The following ZFP62 variants were observed in gnomAD, a reference collection of about 807,000 sequenced individuals.
The protein encoded by ZFP62 is zinc finger protein 62 homolog.
A neutral mutation model predicts 56.4 loss-of-function variants in ZFP62; 44 were observed. The observed-to-expected ratio is 0.78, with a 90% CI of 0.61 to 1.00. ZFP62 has a LOEUF of 1.00. Among genes scored for constraint, ZFP62 ranks in the 50% least tolerant of loss-of-function variants. The pLI is 0.00. For synonymous variants in ZFP62, 421 were observed against 388.9 expected, an observed-to-expected ratio of 1.08 and a Z score of -0.97; for missense variants, 1,030 against 1,085.7, an observed-to-expected ratio of 0.95 and a Z score of 0.72.
In ZFP62 at chr5:180,858,874, A is replaced by T. The variant is rs186369284; in HGVS notation, c.1+2345T>A. 7.2e-5 allele frequency among the ~76,000 whole-genome samples: 11 copies of T among 152,356 alleles called. No homozygotes were observed. The East Asian group carries it at 2.1e-3, about 29-fold the overall frequency. ...TTCTAACCAGTTTTCAACACGCAGC[A>T]TGAGTCTAATAGCCTGGTTACATCA... On this transcript the variant is annotated intron_variant, in intron 1 of 1. Coordinates refer to ENST00000502412, the MANE Select transcript of ZFP62 (RefSeq NM_001172638.2).
At chr5:180,827,792 T>A in the ZFP62 span, among the ~76,000 whole-genome samples, 2 of 152,210 alleles carry the variant, frequency 1.3e-5, no homozygotes, top group Non-Finnish European at 2.9e-5. Context: ...ATGGAATGTC[T>A]CGGTATAAAA....
the ZFP62 span, among the ~76,000 whole-genome samples, chr5:180,840,715 C>T: frequency 2.0e-5 from 3 of 151,836 alleles, no homozygotes; most frequent in Non-Finnish European, 2.9e-5. Flanking sequence ...AAGATCCCGC[C>T]ACTGCACTCT....
the ZFP62 span, among the ~76,000 whole-genome samples, chr5:180,829,070 C>A: frequency 6.6e-6 from 1 of 152,010 alleles, no homozygotes. Flanking sequence ...TGCTCTTAGA[C>A]CCTGTTTTCT....
chr5:180,850,190 T>C lies in ZFP62; in HGVS notation c.1305A>G (p.Leu435=). ...TATGAATAGTTCTGTGTTGAAGAAG[T>C]AGTGAGTTATAACTAAAGGATTTCC... is the stretch of plus-strand genomic sequence containing the variant. ...ECGKSFSYNS[L]LLQHRTIHTG... is the part of the protein sequence containing the mutation. Residue 435 remains leucine (L), a synonymous_variant, in exon 2 of 2, where the codon CTA becomes CTG. Coordinates refer to ENST00000502412, the MANE Select transcript of ZFP62 (RefSeq NM_001172638.2). The C allele has an allele frequency of 1.3e-6, 2 of 1,551,976 alleles. No homozygotes were observed. The highest frequency in any genetic ancestry group is 1.4e-5 in the African/African-American group (1 of 73,190).
chr5:180,849,084 T>G lies in ZFP62; in HGVS notation c.2411A>C (p.Lys804Thr). The G allele has an allele frequency of 6.4e-7, 1 of 1,552,926 alleles. No homozygotes were observed. The highest frequency in any genetic ancestry group is 8.7e-7 in the Non-Finnish European group (1 of 1,147,608). ...YISHSSLINH[K>T]SVHQGKQPYN... ...GGGCTGCTTCCCCTGGTGGACACTT[T>G]TATGATTGATAAGACTTGAGTGTGA... Residue 804 changes from lysine to threonine, a missense_variant, in exon 2 of 2, where the codon AAA (lysine) becomes ACA (threonine). Transcript: ENST00000502412.
chr5:180,846,307 CCAT>C (rs1191288008), downstream of ZFP62, among the ~76,000 whole-genome samples: 1 of 152,190 alleles, frequency 6.6e-6, no homozygotes, highest in Non-Finnish European at 1.5e-5. Context: ...TGAGCTGTGG[CCAT>C]CCTCTCCTTT....
At position 180,849,103 on chromosome 5, in the gene ZFP62, A is replaced by G; in HGVS notation, c.2392T>C (p.Ser798Pro). Residue 798 changes from serine (S) to proline (P), a missense_variant, in exon 2 of 2, where the codon TCA (serine) becomes CCA (proline). Ser to Pro is a moderately conservative substitution (Grantham distance 74, BLOSUM62 -1). Transcript: ENST00000502412. ...ACACTTTTATGATTGATAAGACTTGAGTGTGAGATGTATGCCTTCCCACAC... is the reference window on the plus strand; with the variant it reads ...ACACTTTTATGATTGATAAGACTTGGGTGTGAGATGTATGCCTTCCCACAC... ...DECGKAYISHSSLINHKSVHQ... is the reference protein window; with the variant it reads ...DECGKAYISHPSLINHKSVHQ... The G allele has an allele frequency of 6.4e-7, 1 of 1,555,028 alleles. No individual in the cohort carries two copies. The highest frequency in any genetic ancestry group is 1.4e-5 in the African/African-American group (1 of 73,170).
chr5:180,826,900 A>G, the ZFP62 span, among the ~76,000 whole-genome samples: 120 of 152,326 alleles, frequency 7.9e-4, 3 homozygotes, highest in East Asian at 0.019. Context: ...CTTTATTGAG[A>G]TGGAGTTGAG....
chr5:180,857,287 T>C (rs563891993), intron 1 of ZFP62, among the ~76,000 whole-genome samples: 3 of 152,058 alleles, frequency 2.0e-5, no homozygotes, highest in African/African-American at 7.2e-5. Flanking sequence ...GTAGCATATA[T>C]TTTAGGCTTT....
chr5:180,847,730 A>G lies in ZFP62; in HGVS notation c.*1062T>C. On this transcript the variant is annotated 3_prime_UTR_variant, in exon 2 of 2. Transcript: ENST00000502412. ...TATTCGTTAACATTTTACAACAGAC[A>G]ACATATACATGTCCTGCATGACATC... The G allele has an allele frequency of 8.1e-6, 8 of 985,456 alleles. No homozygotes were observed. The highest frequency in any genetic ancestry group is 9.6e-6 in the Non-Finnish European group (8 of 829,930). The allele number at this position is 985,456 out of a possible 1,614,324, so 61.0% of individuals were successfully genotyped here.
At chr5:180,827,520 C>A in the ZFP62 span, among the ~76,000 whole-genome samples, 1 of 151,968 alleles carries the variant, frequency 6.6e-6, no homozygotes, top group Non-Finnish European at 1.5e-5. Flanking sequence ...AGAGTCATCA[C>A]CACTCCCTAA....
chr5:180,849,891 C>A lies in ZFP62; in HGVS notation c.1604G>T (p.Cys535Phe). ...RIHTREKPFG[C>F]DECGKAFRNN... ...TCTGAAAGCTTTACCACACTCATCA[C>A]ACCCAAAGGGTTTTTCCCTGGTATG... is the stretch of plus-strand genomic sequence containing the variant. Residue 535 changes from cysteine (C) to phenylalanine (F), a missense_variant, in exon 2 of 2, where the codon TGT becomes TTT. Coordinates refer to ENST00000502412, the MANE Select transcript of ZFP62 (RefSeq NM_001172638.2). 6.4e-7 allele frequency: 1 copy of A among 1,551,776 alleles called. No individual in the cohort carries two copies. The highest frequency in any genetic ancestry group is 8.7e-7 in the Non-Finnish European group (1 of 1,147,020).
At chr5:180,858,944 A>G (rs886632908) in intron 1 of ZFP62, among the ~76,000 whole-genome samples, 4 of 152,218 alleles carry the variant, frequency 2.6e-5, no homozygotes, top group African/African-American at 9.6e-5. Context: ...CTTCCAAACT[A>G]CATACGACCA....
At chr5:180,859,924 G>A (rs913613636) in intron 1 of ZFP62, among the ~76,000 whole-genome samples, 1 of 152,168 alleles carries the variant, frequency 6.6e-6, no homozygotes, top group African/African-American at 2.4e-5. Context: ...ACACTGTATT[G>A]AGTATACCAT....
the ZFP62 span, among the ~76,000 whole-genome samples, chr5:180,833,559 T>C: frequency 6.6e-6 from 1 of 151,212 alleles, no homozygotes; most frequent in African/African-American, 2.4e-5. Context: ...AGGGCAGCCA[T>C]CTGCAACTTG....
the ZFP62 span, among the ~76,000 whole-genome samples, chr5:180,832,110 C>T: frequency 6.6e-6 from 1 of 151,798 alleles, no homozygotes; most frequent in Non-Finnish European, 1.5e-5. Flanking sequence ...ACAAAAAACA[C>T]AACTCTTGCT....
At chr5:180,856,952 C>CAAAA (rs758729037) in intron 1 of ZFP62, among the ~76,000 whole-genome samples, 2 of 63,676 alleles carry the variant, frequency 3.1e-5, no homozygotes, top group African/African-American at 7.8e-5. Flanking sequence ...GACTATGTCT[C>CAAAA]AAAAAAAAAA....
At chr5:180,852,966 G>C (rs1773790042) in intron 1 of ZFP62, among the ~76,000 whole-genome samples, 1 of 152,212 alleles carries the variant, frequency 6.6e-6, no homozygotes, top group Admixed American at 6.5e-5. Flanking sequence ...GGAGGAAACA[G>C]GCACTCTCAT....
chr5:180,858,257 C>CAAAAAAAAAAAAAAAAAAAAAAAA (rs1159409435), intron 1 of ZFP62, among the ~76,000 whole-genome samples: 1 of 40,272 alleles, frequency 2.5e-5, no homozygotes, highest in Non-Finnish European at 4.6e-5. Flanking sequence ...AACTCTGTCT[C>CAAAAAAAAAAAAAAAAAAAAAAAA]AAAAAAAAAA....
Sources: gnomAD v4.1 joint callset for allele counts (sites outside exome capture counted in the v4.1 genomes callset) on GRCh38, gnomAD v4.1.1 for gene constraint, MANE v1.5 for transcripts, NCBI Gene and HGNC (gene_info 2026-07-23, HGNC 2026-07-21) for gene names.